Variants in MKX observed in about 807,000 individuals in gnomAD.
The protein encoded by MKX is mohawk homeobox, also known as homeobox protein Mohawk.
Under a neutral mutation model 36.0 loss-of-function variants are expected in MKX, and 13 were observed. The ratio of observed to expected loss-of-function variants is 0.36; its 90% CI spans 0.24 to 0.57. The LOEUF is 0.57. MKX is among the 20% of genes least tolerant of loss of function. The probability of loss-of-function intolerance (pLI) is 0.79; values close to 1 mark genes in which losing one functional copy is unlikely to be tolerated. For missense variants in MKX, 458 were observed against 456.4 expected, an observed-to-expected ratio of 1.00 and a Z score of -0.03; for synonymous variants, 176 against 178.3, an observed-to-expected ratio of 0.99 and a Z score of 0.10.
At chr10:27,687,239 C>T (rs903465160) in intron 5 of MKX, among the ~76,000 whole-genome samples, 1 of 151,954 alleles carries the variant, frequency 6.6e-6, no homozygotes, top group Non-Finnish European at 1.5e-5. Flanking sequence ...CACATGACCT[C>T]GTGATCCACC....
chr10:27,727,883 T>C (rs1319494418), intron 5 of MKX, among the ~76,000 whole-genome samples: 3 of 152,186 alleles, frequency 2.0e-5, no homozygotes, highest in African/African-American at 7.2e-5. Flanking sequence ...CTGTGCTGAA[T>C]AGTGTAAGTT....
At chr10:27,685,485 G>T (rs1409958137) in intron 5 of MKX, among the ~76,000 whole-genome samples, 3 of 136,058 alleles carry the variant, frequency 2.2e-5, no homozygotes, top group Non-Finnish European at 4.6e-5. Flanking sequence ...GTCCCGCTCT[G>T]TTGCCCAGGC....
At position 27,741,333 on chromosome 10, in the gene MKX, G is replaced by T. The variant is rs763131426; in HGVS notation, c.348+12C>A. On this transcript the variant is annotated intron_variant, in intron 3 of 6. Coordinates refer to ENST00000419761, the MANE Select transcript of MKX (RefSeq NM_173576.3). The surrounding 1 kb of genome is among the most constrained non-coding windows in gnomAD (Gnocchi z 5.1). Reference sequence around the variant, plus strand: ...GGGAAAACGGATCAGGGTGTTAATGGGTCCTGATTACCTGCACTAGCGTCA... The same window carrying T: ...GGGAAAACGGATCAGGGTGTTAATGTGTCCTGATTACCTGCACTAGCGTCA... 6.8e-6 allele frequency: 11 copies of T among 1,610,994 alleles called. No homozygotes were observed. The Admixed American group carries it at 1.3e-4, about 20-fold the overall frequency.
intron 5 of MKX, among the ~76,000 whole-genome samples, chr10:27,726,714 A>ATT (rs3063191): frequency 0.9 from 129,959 of 144,520 alleles, 58,429 homozygotes; most frequent in East Asian, 0.99. Flanking sequence ...TCATTGTTTA[A>ATT]TTTTTTTTTT....
chr10:27,714,263 G>A (rs939125576), intron 5 of MKX, among the ~76,000 whole-genome samples: 1 of 152,082 alleles, frequency 6.6e-6, no homozygotes, highest in African/African-American at 2.4e-5. Flanking sequence ...TAAAATGTAT[G>A]TAGAGCAGCT....
chr10:27,712,397 A>T (rs1836889092), intron 5 of MKX, among the ~76,000 whole-genome samples: 1 of 152,208 alleles, frequency 6.6e-6, no homozygotes, highest in Non-Finnish European at 1.5e-5. Context: ...GCATCTCAGT[A>T]AGTGGTCTGA....
Position 27,675,348 on chromosome 10 carries a change from A to G in MKX, c.940T>C (p.Leu314=). Residue 314 remains leucine, a synonymous_variant, in exon 7 of 7, where the codon TTA becomes CTA. Coordinates refer to ENST00000419761, the MANE Select transcript of MKX (RefSeq NM_173576.3). ...YWKEINAAMA[L]TNLAQGKDKL... ...TCCTTTCCCTGTGCAAGATTTGTTAAGGCCATAGCTGCGTTGATCTCCTTC... is the reference window on the plus strand; with the variant it reads ...TCCTTTCCCTGTGCAAGATTTGTTAGGGCCATAGCTGCGTTGATCTCCTTC... 1 of 1,614,192 alleles carries G rather than the reference A, an allele frequency of 6.2e-7. No individual in the cohort carries two copies. The highest frequency in any genetic ancestry group is 8.5e-7 in the Non-Finnish European group (1 of 1,180,036).
Position 27,734,724 on chromosome 10 carries a change from C to T in MKX, c.570G>A (p.Val190=). The change falls in exon 5 of 7, where the codon GTG becomes GTA. Residue 190 remains valine (V), a synonymous_variant. Coordinates refer to ENST00000419761, the MANE Select transcript of MKX (RefSeq NM_173576.3). The part of the protein sequence containing the change: ...GGYNTPVHHP[V]IKSENSVIKA... ...TGATGACCGAATTCTCACTTTTAAT[C>T]ACAGGATGGTGAACTGGGGTATTAT... 1 of 1,614,122 alleles carries T rather than the reference C, an allele frequency of 6.2e-7. No individual in the cohort carries two copies. The highest frequency in any genetic ancestry group is 1.3e-5 in the African/African-American group (1 of 75,038).
intron 5 of MKX, among the ~76,000 whole-genome samples, chr10:27,721,241 A>G (rs947832767): frequency 4.7e-5 from 6 of 127,584 alleles, no homozygotes; most frequent in Non-Finnish European, 8.1e-5. Context: ...AAATTCAAGG[A>G]CCTAGATGAG....
At chr10:27,734,141 A>G (rs1834696190) in intron 5 of MKX, among the ~76,000 whole-genome samples, 1 of 150,952 alleles carries the variant, frequency 6.6e-6, no homozygotes, top group Admixed American at 6.6e-5. Flanking sequence ...ATAAAGAATG[A>G]AAATTCTTCC....
chr10:27,711,510 CCTTCCT>C (rs1836870063), intron 5 of MKX, among the ~76,000 whole-genome samples: 1 of 114,766 alleles, frequency 8.7e-6, no homozygotes, highest in African/African-American at 4.4e-5. Flanking sequence ...TTCCTTCCTT[CCTTCCT>C]TCCTTCCTTC....
rs575604354 is a variant in MKX at position 27,728,615 on chromosome 10, G to A, written c.838+5841C>T. Among the ~76,000 whole-genome samples, 160 of 152,260 alleles carry A rather than the reference G, an allele frequency of 1.1e-3. 2 individuals are homozygous for A. Among genetic ancestry groups the A allele is most frequent in the African/African-American group, 3.8e-3 (158 of 41,566 alleles). ...TATACCAATGGACTGTGTCCCAGAA[G>A]CTTGTTACATTGGTTGTTTAGAACA... On this transcript the variant is annotated intron_variant, in intron 5 of 6. Transcript: ENST00000419761.
intron 5 of MKX, among the ~76,000 whole-genome samples, chr10:27,676,294 A>AG (rs149370393): frequency 0.014 from 1,580 of 115,740 alleles, 12 homozygotes; most frequent in African/African-American, 0.029. Context: ...AAAATAAAAA[A>AG]GGGGGGGGTT....
chr10:27,697,184 A>G (rs558468312), intron 5 of MKX, among the ~76,000 whole-genome samples: 1 of 152,252 alleles, frequency 6.6e-6, no homozygotes, highest in African/African-American at 2.4e-5. Flanking sequence ...AGAATATTCA[A>G]TTTTCCTTGG....
At chr10:27,743,192 C>T (rs772794530) in intron 2 of MKX, 36 bp downstream of exon 2, 4 of 1,425,236 alleles carry the variant, frequency 2.8e-6, no homozygotes, top group Non-Finnish European at 2.7e-6. Context: ...CCCTCCGGGC[C>T]GCAGGCGGGC....
chr10:27,732,713 CT>C (rs1834658891), intron 5 of MKX, among the ~76,000 whole-genome samples: 1 of 152,124 alleles, frequency 6.6e-6, no homozygotes. Context: ...CTTTCAAGCT[CT>C]TCTCTGGTCA....
intron 5 of MKX, among the ~76,000 whole-genome samples, chr10:27,722,918 T>G (rs910236688): frequency 2.6e-5 from 4 of 152,054 alleles, no homozygotes; most frequent in Non-Finnish European, 5.9e-5. Context: ...ACTGAGTCTG[T>G]GTGTGTTAGG....
intron 5 of MKX, among the ~76,000 whole-genome samples, chr10:27,708,454 G>A (rs1050919234): frequency 3.9e-5 from 6 of 152,216 alleles, no homozygotes; most frequent in African/African-American, 7.2e-5. Flanking sequence ...ACTATAGGCC[G>A]GGCGCGGTTG....
At chr10:27,696,686 G>A (rs755927164) in intron 5 of MKX, among the ~76,000 whole-genome samples, 8 of 151,798 alleles carry the variant, frequency 5.3e-5, no homozygotes, top group Non-Finnish European at 7.4e-5. Flanking sequence ...TGCATACCAA[G>A]GCTAATTCCA....
Sources: allele counts gnomAD v4.1 joint callset (sites outside exome capture counted in the v4.1 genomes callset), GRCh38; gene constraint gnomAD v4.1.1; non-coding constraint Gnocchi (gnomAD v3.1); transcripts MANE v1.5; gene names NCBI Gene and HGNC (gene_info 2026-07-23, HGNC 2026-07-21).